Variants in CDH11 observed in about 807,000 individuals in gnomAD.
CDH11 encodes the protein cadherin 11.
CDH11 carries 11 observed loss-of-function variants against 67.8 expected under a neutral mutation model. The observed-to-expected ratio is 0.16, with a 90% CI of 0.10 to 0.27. The LOEUF is 0.27. CDH11 is among the 10% of genes least tolerant of loss of function. CDH11 has a pLI of 1.00. For missense variants in CDH11, 847 were observed against 1,031.2 expected (o/e 0.82, Z 2.45); for synonymous variants, 419 against 400.0 (o/e 1.05, Z -0.57).
intron 1 of CDH11, among the ~76,000 whole-genome samples, chr16:65,109,564 G>A (rs555536914): frequency 2.1e-4 from 32 of 152,286 alleles, no homozygotes; most frequent in South Asian, 1.2e-3. Flanking sequence ...GCTAAGATGC[G>A]ACTTGAGGCC....
intron 2 of CDH11, among the ~76,000 whole-genome samples, chr16:65,034,668 C>G (rs1301132002): frequency 3.3e-5 from 5 of 152,054 alleles, no homozygotes; most frequent in African/African-American, 1.2e-4. Context: ...AGTAAATGCT[C>G]AAAAAATACT....
chr16:64,983,144 TAAAAA>T (rs11385143), intron 7 of CDH11: 4 of 145,902 alleles, frequency 2.7e-5, no homozygotes, highest in African/African-American at 1.0e-4. Context: ...CTTCTTTTTT[TAAAAA>T]AAAAAAGAAT....
At chr16:64,990,005 G>A (rs1006544336) in intron 6 of CDH11, among the ~76,000 whole-genome samples, 2 of 152,158 alleles carry the variant, frequency 1.3e-5, no homozygotes, top group African/African-American at 4.8e-5. Context: ...ATTAAAGGAT[G>A]AGTGGGAAGT....
At chr16:65,008,194 TC>T (rs2073101932) in intron 2 of CDH11, among the ~76,000 whole-genome samples, 1 of 152,274 alleles carries the variant, frequency 6.6e-6, no homozygotes, top group Non-Finnish European at 1.5e-5. Flanking sequence ...ACAACTTTTT[TC>T]TTTTATAAAA....
intron 1 of CDH11, among the ~76,000 whole-genome samples, chr16:65,103,288 T>C (rs2075022253): frequency 6.6e-6 from 1 of 152,176 alleles, no homozygotes; most frequent in Admixed American, 6.5e-5. Flanking sequence ...CAATTGTGTA[T>C]GAAATGAGAA....
intron 8 of CDH11, among the ~76,000 whole-genome samples, chr16:64,973,703 A>G (rs2072076890): frequency 6.6e-6 from 1 of 152,110 alleles, no homozygotes; most frequent in South Asian, 2.1e-4. Context: ...GTTACTCGGG[A>G]GGCTGAGGCA....
At chr16:65,081,523 C>T (rs752866033) in intron 1 of CDH11, among the ~76,000 whole-genome samples, 2 of 149,480 alleles carry the variant, frequency 1.3e-5, no homozygotes, top group Non-Finnish European at 3.0e-5. Context: ...GAGCCGAGAT[C>T]GGGCCACTGC....
intron 8 of CDH11, among the ~76,000 whole-genome samples, chr16:64,975,940 A>T (rs1003786493): frequency 6.6e-6 from 1 of 152,232 alleles, no homozygotes; most frequent in Non-Finnish European, 1.5e-5. Flanking sequence ...AATTAAGGAT[A>T]TGTCAAAATG....
rs2071237393 is a variant in CDH11, at chr16:64,947,888, G to A, written c.2106C>T (p.Tyr702=). ...CTGGCCGGAGCCCAGGTCTAGGCAT[G>A]TACTGATACTCAGGTTTGATGTCTT... The part of the protein sequence containing the change: ...PRKDIKPEYQ[Y]MPRPGLRPAP... Residue 702 remains tyrosine, a synonymous_variant, in exon 13 of 13, where the codon TAC becomes TAT. Coordinates refer to ENST00000268603, the MANE Select transcript of CDH11 (RefSeq NM_001797.4). The A allele has an allele frequency of 6.2e-7, 1 of 1,614,176 alleles. No homozygotes were observed. Among genetic ancestry groups the A allele is most frequent in the Non-Finnish European group, 8.5e-7 (1 of 1,180,024 alleles).
intron 1 of CDH11, among the ~76,000 whole-genome samples, chr16:65,078,278 CAGTTT>C (rs1395642539): frequency 6.6e-6 from 1 of 152,164 alleles, no homozygotes; most frequent in African/African-American, 2.4e-5. Context: ...TGTAGAAAAA[CAGTTT>C]ACAAATCCCT....
intron 2 of CDH11, among the ~76,000 whole-genome samples, chr16:65,035,274 A>G (rs1409482531): frequency 1.3e-5 from 2 of 152,210 alleles, no homozygotes; most frequent in African/African-American, 4.8e-5. Flanking sequence ...TACTCTTCAC[A>G]GCAACTCAGT....
At chr16:65,031,193 T>C (rs1567538138) in intron 2 of CDH11, among the ~76,000 whole-genome samples, 1 of 152,186 alleles carries the variant, frequency 6.6e-6, no homozygotes, top group Non-Finnish European at 1.5e-5. Context: ...CACAGATAAT[T>C]GTTCACATGT....
Position 65,004,994 on chromosome 16 carries a change from G to T in CDH11, c.-125C>A. Reference sequence around the variant, plus strand: ...ACCTCTCTTGGGATGGAATGTCTCTGCTGGTTGAGCTCATCACGTCAGGGC... The same window carrying T: ...ACCTCTCTTGGGATGGAATGTCTCTTCTGGTTGAGCTCATCACGTCAGGGC... On this transcript the variant is annotated 5_prime_UTR_variant, in exon 3 of 13. Coordinates refer to ENST00000268603, the MANE Select transcript of CDH11 (RefSeq NM_001797.4). 7.1e-7 allele frequency: 1 copy of T among 1,418,280 alleles called. No individual in the cohort carries two copies. Among genetic ancestry groups the T allele is most frequent in the Admixed American group, 3.1e-5 (1 of 31,786 alleles). 87.9% of individuals were successfully genotyped at this position (1,418,280 alleles called of 1,614,324 possible). A position where few individuals can be genotyped will look rare whatever the true frequency, so the allele number is the denominator to read the frequency against.
intron 11 of CDH11, among the ~76,000 whole-genome samples, chr16:64,969,861 A>T (rs1028284119): frequency 6.6e-6 from 1 of 152,216 alleles, no homozygotes; most frequent in Admixed American, 6.5e-5. Context: ...TTCCTGTATT[A>T]CATATGTGTG....
intron 1 of CDH11, among the ~76,000 whole-genome samples, chr16:65,100,920 T>C (rs1162624941): frequency 6.6e-6 from 1 of 152,106 alleles, no homozygotes; most frequent in Non-Finnish European, 1.5e-5. Context: ...ATGCCCTCTA[T>C]AGCTAACACC....
intron 2 of CDH11, among the ~76,000 whole-genome samples, chr16:65,006,054 A>G (rs2142532865): frequency 6.7e-6 from 1 of 150,136 alleles, no homozygotes; most frequent in Non-Finnish European, 1.5e-5. Flanking sequence ...TCTTCATTGG[A>G]CTTTCTCATG....
At chr16:65,114,284 AG>A (rs2075205900) in intron 1 of CDH11, among the ~76,000 whole-genome samples, 1 of 152,156 alleles carries the variant, frequency 6.6e-6, no homozygotes, top group African/African-American at 2.4e-5. Context: ...GAGATTTTGT[AG>A]GAGCTGAGGA....
chr16:64,997,326 A>T (rs1217564578), intron 4 of CDH11, among the ~76,000 whole-genome samples: 2 of 150,028 alleles, frequency 1.3e-5, no homozygotes, highest in Non-Finnish European at 3.0e-5. Context: ...TAAATAAATA[A>T]ATAAATAAAT....
intron 2 of CDH11, among the ~76,000 whole-genome samples, chr16:65,027,098 C>G (rs529501510): frequency 6.6e-6 from 1 of 152,136 alleles, no homozygotes; most frequent in Admixed American, 6.6e-5. Context: ...AGTCCAGGCC[C>G]AGAGTCATTC....
Sources: gnomAD v4.1 joint callset for allele counts (sites outside exome capture counted in the v4.1 genomes callset) on GRCh38, gnomAD v4.1.1 for gene constraint, MANE v1.5 for transcripts, NCBI Gene and HGNC (gene_info 2026-07-23, HGNC 2026-07-21) for gene names.